TDRKH: variants seen among roughly 807,000 people sequenced by gnomAD.
The protein encoded by TDRKH is tudor and KH domain containing, also known as tudor and KH domain-containing protein.
A neutral mutation model predicts 61.3 loss-of-function variants in TDRKH; 28 were observed. The ratio of observed to expected loss-of-function variants is 0.46; its 90% CI spans 0.34 to 0.63. TDRKH has a LOEUF of 0.63. Ranked by LOEUF, TDRKH falls within the 20% of genes least tolerant of loss-of-function variation. TDRKH has a pLI of 0.01. For missense variants in TDRKH, 540 were observed against 683.4 expected (o/e 0.79, Z 2.34); for synonymous variants, 219 against 244.4 (o/e 0.90, Z 0.97).
intron 6 of TDRKH, among the ~76,000 whole-genome samples, chr1:151,778,005 AAACT>A (rs1649372280): frequency 1.3e-5 from 2 of 152,198 alleles, no homozygotes; most frequent in African/African-American, 4.8e-5. Context: ...TCTGTTACAG[AAACT>A]AACCTAAAAG....
chr1:151,785,455 A>G (rs1258154184), intron 1 of TDRKH, among the ~76,000 whole-genome samples: 1 of 152,198 alleles, frequency 6.6e-6, no homozygotes, highest in East Asian at 1.9e-4. Flanking sequence ...TTTATTCTCA[A>G]CACAAGAGCT....
At chr1:151,772,494 T>A (rs938032393), downstream of TDRKH, among the ~76,000 whole-genome samples, 2 of 151,942 alleles carry the variant, frequency 1.3e-5, no homozygotes, top group African/African-American at 4.8e-5. Flanking sequence ...TCCCTAAATT[T>A]AAAAAAAAGA....
Position 151,774,707 on chromosome 1 carries a change from T to C in TDRKH, c.1633+3A>G, listed in dbSNP as rs1226026020. 6 of 1,614,024 alleles carry C rather than the reference T, an allele frequency of 3.7e-6. No individual in the cohort carries two copies. Among genetic ancestry groups the C allele is most frequent in the Non-Finnish European group, 5.1e-6 (6 of 1,179,906 alleles). The stretch of plus-strand genomic sequence containing the variant: ...TGCTCTAGGGAGGAAATACTGCTTG[T>C]ACCTGATAAGCTGAGGCAGGACAGG... On this transcript the variant is annotated splice_donor_region_variant and intron_variant, in intron 12 of 12. Coordinates refer to ENST00000368824, the MANE Select transcript of TDRKH (RefSeq NM_001083965.2).
chr1:151,767,261 G>C (rs755505565), downstream of TDRKH: 1 of 1,613,970 alleles, frequency 6.2e-7, no homozygotes, highest in Non-Finnish European at 8.5e-7. Flanking sequence ...CAAAAGCACC[G>C]AGCAGGGTAA....
At chr1:151,785,367 G>T (rs79051659) in intron 1 of TDRKH, among the ~76,000 whole-genome samples, 1 of 152,070 alleles carries the variant, frequency 6.6e-6, no homozygotes, top group African/African-American at 2.4e-5. Context: ...CTATGACCCT[G>T]CTCTAAAACA....
intron 11 of TDRKH, 125 bp from the exon 12 acceptor site, chr1:151,774,931 A>G: frequency 2.2e-6 from 3 of 1,364,560 alleles, no homozygotes; most frequent in Non-Finnish European, 3.1e-6. Flanking sequence ...GAGGGACAAA[A>G]TGCTCCTTTG....
At chr1:151,778,559 T>C in intron 6 of TDRKH, 126 bp downstream of exon 6, 1 of 1,562,274 alleles carries the variant, frequency 6.4e-7, no homozygotes, top group Non-Finnish European at 8.8e-7. Context: ...TACCGAATCT[T>C]CTGTCCTGAC....
At chr1:151,782,627 C>A (rs976708671) in intron 2 of TDRKH, among the ~76,000 whole-genome samples, 1 of 151,978 alleles carries the variant, frequency 6.6e-6, no homozygotes, top group Non-Finnish European at 1.5e-5. Flanking sequence ...AAAACCCCAT[C>A]TCTACAAAAA....
At chr1:151,780,542 T>G (rs1182108503) in intron 3 of TDRKH, among the ~76,000 whole-genome samples, 1 of 152,184 alleles carries the variant, frequency 6.6e-6, no homozygotes, top group Non-Finnish European at 1.5e-5. Flanking sequence ...GAGAGTTCAT[T>G]AATTCCATAG....
intron 6 of TDRKH, among the ~76,000 whole-genome samples, chr1:151,777,497 A>G (rs1649302654): frequency 6.6e-6 from 1 of 151,968 alleles, no homozygotes; most frequent in Non-Finnish European, 1.5e-5. Context: ...CAATTATTTG[A>G]TGTATTACTC....
chr1:151,781,326 A>ATATATATATATATAT (rs1553282714), intron 3 of TDRKH, among the ~76,000 whole-genome samples, 155 bp downstream of exon 3: 7 of 22,302 alleles, frequency 3.1e-4, no homozygotes, highest in African/African-American at 4.9e-4. Flanking sequence ...TCAAAAAAAA[A>ATATATATATATATAT]AAATATATAT....
chr1:151,787,820 A>C (rs914473037), intron 1 of TDRKH, among the ~76,000 whole-genome samples: 1 of 149,408 alleles, frequency 6.7e-6, no homozygotes, highest in Non-Finnish European at 1.5e-5. Flanking sequence ...AAAAAAAAAA[A>C]AAAAAAAAAA....
intron 12 of TDRKH, 81 bp from the exon 13 acceptor site, chr1:151,774,585 T>C (rs2101577043): frequency 1.3e-6 from 2 of 1,586,206 alleles, no homozygotes; most frequent in Non-Finnish European, 1.7e-6. Flanking sequence ...AAAAGAAAAA[T>C]GGACCTCTTG....
At chr1:151,767,198 A>T (rs1185525969), downstream of TDRKH, 1 of 1,614,014 alleles carries the variant, frequency 6.2e-7, no homozygotes, top group South Asian at 1.1e-5. Flanking sequence ...TTGACACTCC[A>T]GCCCCGTTCC....
intron 1 of TDRKH, 32 bp downstream of exon 1, chr1:151,790,348 G>T: frequency 6.5e-6 from 1 of 152,784 alleles, no homozygotes; most frequent in Non-Finnish European, 1.5e-5. Flanking sequence ...GGCCAGGGCT[G>T]CCCATGACCC....
intron 6 of TDRKH, 142 bp from the exon 7 acceptor site, chr1:151,776,741 CAAG>C: frequency 1.1e-6 from 1 of 881,034 alleles, no homozygotes. Context: ...ATGAATCAAA[CAAG>C]AATATCCTAA....
intron 10 of TDRKH, 59 bp downstream of exon 10, chr1:151,775,333 T>A: frequency 1.3e-6 from 2 of 1,570,076 alleles, no homozygotes; most frequent in Non-Finnish European, 1.7e-6. Context: ...GAAGAAAAAG[T>A]AAATTAGGCT....
chr1:151,772,122 A>G, downstream of TDRKH: 1 of 392,030 alleles, frequency 2.6e-6, no homozygotes, highest in East Asian at 3.6e-5. Context: ...TGGAGACAGC[A>G]TCTTGCTGTG....
chr1:151,766,729 G>A (rs1648370855), downstream of TDRKH: 15 of 1,552,282 alleles, frequency 9.7e-6, no homozygotes, highest in Non-Finnish European at 1.3e-5. Context: ...AAACTGCCTT[G>A]TAAGAGGTGT....
Sources: allele counts gnomAD v4.1 joint callset (sites outside exome capture counted in the v4.1 genomes callset), GRCh38; gene constraint gnomAD v4.1.1; transcripts MANE v1.5; gene names NCBI Gene and HGNC (gene_info 2026-07-23, HGNC 2026-07-21).